The following SLC24A2 variants were observed in gnomAD, a reference collection of about 807,000 sequenced individuals.
The protein encoded by SLC24A2 is sodium/potassium/calcium exchanger 2.
Under a neutral mutation model 62.0 loss-of-function variants are expected in SLC24A2, and 36 were observed. That is an observed-to-expected ratio of 0.58 (90% CI 0.44 to 0.77). SLC24A2 has a LOEUF of 0.77. Ranked by LOEUF, SLC24A2 falls within the 30% of genes least tolerant of loss-of-function variation. The probability of loss-of-function intolerance (pLI) is 0.00; values close to 1 mark genes in which losing one functional copy is unlikely to be tolerated. For missense variants in SLC24A2, 846 were observed against 817.9 expected (o/e 1.03, Z -0.42); for synonymous variants, 358 against 294.0 (o/e 1.22, Z -2.23).
the SLC24A2 span, among the ~76,000 whole-genome samples, chr9:20,289,471 G>A: frequency 1.4e-4 from 21 of 152,122 alleles, no homozygotes; most frequent in African/African-American, 4.8e-4. Context: ...TTTGAATGCC[G>A]GCTCTTCCCC....
At chr9:20,047,824 T>TAAA in the SLC24A2 span, among the ~76,000 whole-genome samples, 24 of 151,422 alleles carry the variant, frequency 1.6e-4, no homozygotes, top group African/African-American at 5.6e-4. Context: ...TAACATGAGT[T>TAAA]TTGGGGAGAC....
In SLC24A2 at chr9:19,629,113, C is replaced by CA. The variant is rs1235070154; in HGVS notation, c.931-6815dup. Among the ~76,000 whole-genome samples, 14 of 152,264 alleles carry CA rather than the reference C, an allele frequency of 9.2e-5. 1 individual carries two copies. Among genetic ancestry groups the CA allele is most frequent in the Admixed American group, 9.2e-4 (14 of 15,288 alleles). On this transcript the variant is annotated intron_variant, in intron 2 of 10. Transcript: ENST00000341998. ...TAAACATATACTCCCCCTTTCAACA[C>CA]ATGAGGACCCTGAAGCTGATGGAGT...
chr9:20,135,534 G>A, the SLC24A2 span, among the ~76,000 whole-genome samples: 1 of 151,996 alleles, frequency 6.6e-6, no homozygotes, highest in Admixed American at 6.6e-5. Context: ...AACGATTCTA[G>A]CACACGAGGT....
At chr9:19,798,813 CCTCT>C in the SLC24A2 span, among the ~76,000 whole-genome samples, 3 of 152,074 alleles carry the variant, frequency 2.0e-5, no homozygotes, top group African/African-American at 4.8e-5. Flanking sequence ...GCTATTTATA[CCTCT>C]CTCTACTTTT....
the SLC24A2 span, among the ~76,000 whole-genome samples, chr9:20,292,704 A>C: frequency 6.6e-6 from 1 of 152,186 alleles, no homozygotes; most frequent in African/African-American, 2.4e-5. Context: ...CCTGGGCTCA[A>C]GTGATCCTTT....
At chr9:19,588,111 A>G (rs555515064) in intron 5 of SLC24A2, among the ~76,000 whole-genome samples, 3 of 152,032 alleles carry the variant, frequency 2.0e-5, no homozygotes, top group African/African-American at 7.2e-5. Context: ...GGAGATGCTT[A>G]TAAGAATACA....
chr9:19,887,974 G>A, the SLC24A2 span, among the ~76,000 whole-genome samples: 1 of 152,098 alleles, frequency 6.6e-6, no homozygotes, highest in Non-Finnish European at 1.5e-5. Context: ...TGGACTTTGG[G>A]GACTCAGGGG....
the SLC24A2 span, among the ~76,000 whole-genome samples, chr9:19,950,792 T>TGAG: frequency 6.6e-6 from 1 of 152,162 alleles, no homozygotes; most frequent in Non-Finnish European, 1.5e-5. Context: ...AGACTATGTT[T>TGAG]CCTAATTACT....
intron 2 of SLC24A2, among the ~76,000 whole-genome samples, chr9:19,735,440 T>A (rs929475260): frequency 2.0e-5 from 3 of 151,998 alleles, no homozygotes; most frequent in African/African-American, 7.3e-5. Context: ...ATTGTGGAAG[T>A]CAGTGTGGCG....
At chr9:19,758,616 T>A (rs1822218651) in intron 2 of SLC24A2, among the ~76,000 whole-genome samples, 1 of 152,220 alleles carries the variant, frequency 6.6e-6, no homozygotes, top group Non-Finnish European at 1.5e-5. Context: ...AGATCAAGGT[T>A]TCCTTCTTTT....
intron 10 of SLC24A2, among the ~76,000 whole-genome samples, chr9:19,520,086 T>C (rs1217531036): frequency 1.3e-5 from 2 of 152,138 alleles, no homozygotes; most frequent in African/African-American, 2.4e-5. Flanking sequence ...AATATGGTCA[T>C]GGAAAGGTGG....
At chr9:19,902,288 G>C in the SLC24A2 span, among the ~76,000 whole-genome samples, 5 of 152,256 alleles carry the variant, frequency 3.3e-5, no homozygotes, top group East Asian at 9.7e-4. Flanking sequence ...CATTCAGTCA[G>C]TTGGGAGGCT....
At chr9:19,556,850 T>C (rs1229465039) in intron 7 of SLC24A2, among the ~76,000 whole-genome samples, 3 of 152,230 alleles carry the variant, frequency 2.0e-5, no homozygotes, top group Admixed American at 2.0e-4. Context: ...AGCTCATTTG[T>C]CTCCTGGGAT....
chr9:20,067,121 T>C, the SLC24A2 span, among the ~76,000 whole-genome samples: 2 of 152,354 alleles, frequency 1.3e-5, no homozygotes, highest in African/African-American at 4.8e-5. Flanking sequence ...TTTTAGATTT[T>C]AACAGGTTTT....
chr9:20,028,329 C>T, the SLC24A2 span, among the ~76,000 whole-genome samples: 7 of 152,210 alleles, frequency 4.6e-5, no homozygotes, highest in Non-Finnish European at 7.3e-5. Flanking sequence ...TGCATTAGCA[C>T]TGATGGTTCA....
At chr9:20,278,085 G>A in the SLC24A2 span, among the ~76,000 whole-genome samples, 22 of 151,936 alleles carry the variant, frequency 1.4e-4, no homozygotes, top group Admixed American at 2.6e-4. Flanking sequence ...AGGGTCTGTC[G>A]TGGGGTTGGG....
chr9:20,130,036 G>C, the SLC24A2 span, among the ~76,000 whole-genome samples: 2 of 151,730 alleles, frequency 1.3e-5, no homozygotes, highest in Non-Finnish European at 2.9e-5. Flanking sequence ...CTGCTATTTA[G>C]AGAGTCTTTC....
chr9:19,693,472 T>C (rs1306392299), intron 2 of SLC24A2, among the ~76,000 whole-genome samples: 1 of 152,192 alleles, frequency 6.6e-6, no homozygotes, highest in Non-Finnish European at 1.5e-5. Flanking sequence ...TTTTCAGTTG[T>C]TGATGGCCCT....
intron 3 of SLC24A2, among the ~76,000 whole-genome samples, chr9:19,621,251 G>T (rs1262822391): frequency 1.3e-5 from 2 of 152,190 alleles, no homozygotes; most frequent in African/African-American, 2.4e-5. Flanking sequence ...CAATTCAATA[G>T]GGATGGAAAA....
Sources: gnomAD v4.1 joint callset for allele counts (sites outside exome capture counted in the v4.1 genomes callset) on GRCh38, gnomAD v4.1.1 for gene constraint, MANE v1.5 for transcripts, NCBI Gene and HGNC (gene_info 2026-07-23, HGNC 2026-07-21) for gene names.